The following PPP1R1C variants were observed in gnomAD, a reference collection of about 807,000 sequenced individuals.
PPP1R1C encodes protein phosphatase 1 regulatory inhibitor subunit 1C.
In PPP1R1C, 15 loss-of-function variants were observed where a neutral mutation model predicts 17.4. The ratio of observed to expected loss-of-function variants is 0.86; its 90% CI spans 0.58 to 1.33. PPP1R1C has a LOEUF of 1.33. Among genes scored for constraint, PPP1R1C ranks in the 40% most tolerant of loss-of-function variants. PPP1R1C has a pLI of 0.00. For missense variants in PPP1R1C, 143 were observed against 130.0 expected (o/e 1.10, Z -0.48); for synonymous variants, 35 against 43.1 (o/e 0.81, Z 0.73).
In PPP1R1C at chr2:182,074,202, C is replaced by T. The variant is rs574918268; in HGVS notation, c.241+10411C>T. Among the ~76,000 whole-genome samples the T allele has an allele frequency of 2.6e-5, 4 of 152,016 alleles. No individual in the cohort carries two copies. In the East Asian group the frequency reaches 7.8e-4, roughly 30 times the overall value. On this transcript the variant is annotated intron_variant, in intron 4 of 4. Transcript: ENST00000682840. ...GACTACAGGCGCCCGCCATCACGCCCGGCTAATTTTTTGTACTTTTAGTAG... is the reference window on the plus strand; with the variant it reads ...GACTACAGGCGCCCGCCATCACGCCTGGCTAATTTTTTGTACTTTTAGTAG...
intron 4 of PPP1R1C, among the ~76,000 whole-genome samples, chr2:182,101,414 A>G (rs1478493571): frequency 6.6e-6 from 1 of 152,226 alleles, no homozygotes; most frequent in Non-Finnish European, 1.5e-5. Context: ...CTTTCTCAAG[A>G]GTCCAGCTTC....
intron 2 of PPP1R1C, 75 bp downstream of exon 2, chr2:181,987,974 A>G: frequency 7.8e-7 from 1 of 1,274,632 alleles, no homozygotes; most frequent in Non-Finnish European, 1.1e-6. Flanking sequence ...TACATGTCGT[A>G]CTGAAAAGTT....
intron 2 of PPP1R1C, among the ~76,000 whole-genome samples, chr2:182,042,214 G>C (rs1687207084): frequency 2.0e-5 from 3 of 152,124 alleles, no homozygotes; most frequent in Admixed American, 1.3e-4. Context: ...TAACATTAAA[G>C]AAGAATAAAT....
rs1684691812 is a variant in PPP1R1C at position 181,957,619 on chromosome 2, G to A, written n.111+2985G>A. Among the ~76,000 whole-genome samples the A allele has an allele frequency of 2.0e-5, 3 of 152,152 alleles. No homozygotes were observed. Among genetic ancestry groups the A allele is most frequent in the African/African-American group, 7.2e-5 (3 of 41,430 alleles). ...GTTAGGGTGTCTTCTTCTCAAAACT[G>A]TTTCTGTTTTGAGTATTCTTTATTT... On this transcript the variant is annotated intron_variant and non_coding_transcript_variant, in intron 1 of 5. Coordinates refer to the PPP1R1C transcript ENST00000464264. The surrounding 1 kb of genome is among the most constrained non-coding windows in gnomAD (Gnocchi z 4.2).
chr2:182,021,362 T>G (rs949107870), intron 2 of PPP1R1C, among the ~76,000 whole-genome samples: 1 of 140,218 alleles, frequency 7.1e-6, no homozygotes, highest in Non-Finnish European at 1.5e-5. Context: ...GGAGTCTCGC[T>G]CTGTCACCAG....
At chr2:181,971,010 C>G (rs1221667059) in intron 1 of PPP1R1C, among the ~76,000 whole-genome samples, 2 of 152,012 alleles carry the variant, frequency 1.3e-5, no homozygotes, top group African/African-American at 2.4e-5. Context: ...GAAATGCTAT[C>G]CAGGAGCCAA....
At chr2:182,030,557 G>A (rs901329757) in intron 2 of PPP1R1C, among the ~76,000 whole-genome samples, 9 of 150,292 alleles carry the variant, frequency 6.0e-5, no homozygotes, top group Admixed American at 2.7e-4. Context: ...ACTTGAGGAG[G>A]CAGTCTGCCC....
At chr2:181,981,416 GA>G (rs1180559802), upstream of PPP1R1C, among the ~76,000 whole-genome samples, 2 of 152,098 alleles carry the variant, frequency 1.3e-5, no homozygotes, top group Admixed American at 1.3e-4. Flanking sequence ...CTGTAGATCT[GA>G]AAAAATATCA....
chr2:181,967,445 T>C lies in PPP1R1C; in HGVS notation n.112-7774T>C, dbSNP rs1184042346. On this transcript the variant is annotated intron_variant and non_coding_transcript_variant, in intron 1 of 5. Transcript: ENST00000464264. The surrounding 1 kb of genome is among the most constrained non-coding windows in gnomAD (Gnocchi z 5.5). Reference sequence around the variant, plus strand: ...TGTGGGTGCTTATTGCTATAAACTTTCTTCTTAGTACTGTTTTTGCTGTAT... The same window carrying C: ...TGTGGGTGCTTATTGCTATAAACTTCCTTCTTAGTACTGTTTTTGCTGTAT... Among the ~76,000 whole-genome samples the C allele has an allele frequency of 6.6e-6, 1 of 152,182 alleles. No homozygotes were observed. Among genetic ancestry groups the C allele is most frequent in the Non-Finnish European group, 1.5e-5 (1 of 68,042 alleles).
intron 1 of PPP1R1C, among the ~76,000 whole-genome samples, chr2:181,956,392 A>G (rs1293578260): frequency 1.3e-5 from 2 of 152,236 alleles, no homozygotes; most frequent in African/African-American, 4.8e-5. Flanking sequence ...AGAATGATTT[A>G]TAATCCTTGG....
At chr2:181,966,650 G>A (rs899489564) in intron 1 of PPP1R1C, among the ~76,000 whole-genome samples, 1 of 152,006 alleles carries the variant, frequency 6.6e-6, no homozygotes, top group South Asian at 2.1e-4. Flanking sequence ...GTATTCCTGT[G>A]AAAAATCTCT....
In PPP1R1C at chr2:181,991,031, G is replaced by A. The variant is rs548330810; in HGVS notation, c.142+3132G>A. Among the ~76,000 whole-genome samples the A allele has an allele frequency of 2.6e-5, 4 of 151,052 alleles. No homozygotes were observed. In the South Asian group the frequency reaches 8.3e-4, roughly 32 times the overall value. ...AAAGAAAATTAAATTCTTCATTATA[G>A]AAACATAAGTAATAAAACATTCCAA... On this transcript the variant is annotated intron_variant, in intron 2 of 4. Transcript: ENST00000682840.
At chr2:181,978,469 TTTGGAAGCTTCTTA>T (rs1685137166) in intron 2 of PPP1R1C, among the ~76,000 whole-genome samples, 2 of 152,186 alleles carry the variant, frequency 1.3e-5, no homozygotes, top group African/African-American at 4.8e-5. Context: ...ATTAGAATGC[TTTGGAAGCTTCTTA>T]ACTCGCATGG....
At chr2:181,991,859 T>A (rs1685482957) in intron 2 of PPP1R1C, among the ~76,000 whole-genome samples, 1 of 152,318 alleles carries the variant, frequency 6.6e-6, no homozygotes, top group Middle Eastern at 3.4e-3. Flanking sequence ...GTGAACTGGT[T>A]TGGTTCCTAT....
chr2:182,114,977 G>T (rs75772287), intron 4 of PPP1R1C, among the ~76,000 whole-genome samples: 2,590 of 152,084 alleles, frequency 0.017, 39 homozygotes, highest in South Asian at 0.059. Context: ...CCTTTATATT[G>T]AATCCCCTCA....
At chr2:181,974,465 A>T (rs909976666) in intron 1 of PPP1R1C, among the ~76,000 whole-genome samples, 1 of 152,210 alleles carries the variant, frequency 6.6e-6, no homozygotes, top group Non-Finnish European at 1.5e-5. Flanking sequence ...GAATATATAT[A>T]TTCTAGTCTT....
chr2:181,960,568 C>A (rs1307721711), intron 1 of PPP1R1C, among the ~76,000 whole-genome samples: 1 of 152,198 alleles, frequency 6.6e-6, no homozygotes, highest in African/African-American at 2.4e-5. Flanking sequence ...CCATTTCCAC[C>A]TATTTCTCCA....
At chr2:182,121,533 G>T (rs1275113772), downstream of PPP1R1C, among the ~76,000 whole-genome samples, 1 of 151,766 alleles carries the variant, frequency 6.6e-6, no homozygotes, top group East Asian at 1.9e-4. Flanking sequence ...CTGTCACCAG[G>T]CTGGAGTACA....
At chr2:181,998,177 T>G (rs1413880404) in intron 2 of PPP1R1C, among the ~76,000 whole-genome samples, 1 of 152,200 alleles carries the variant, frequency 6.6e-6, no homozygotes, top group East Asian at 1.9e-4. Flanking sequence ...GAGTCTTAGT[T>G]TCCTCCTCCA....
Sources: allele counts gnomAD v4.1 joint callset (sites outside exome capture counted in the v4.1 genomes callset), GRCh38; gene constraint gnomAD v4.1.1; non-coding constraint Gnocchi (gnomAD v3.1); transcripts MANE v1.5; gene names NCBI Gene and HGNC (gene_info 2026-07-23, HGNC 2026-07-21).